Variants in GSE1 observed in about 807,000 individuals in gnomAD.
GSE1 encodes the protein genetic suppressor element 1.
Under a neutral mutation model 112.6 loss-of-function variants are expected in GSE1, and 32 were observed. The observed-to-expected ratio is 0.28, with a 90% CI of 0.21 to 0.38. GSE1 has a LOEUF of 0.38. GSE1 is among the 10% of genes least tolerant of loss of function. The pLI, the probability that GSE1 is intolerant of heterozygous loss-of-function variation, is 1.00. For missense variants in GSE1, 2,348 were observed against 1,699.2 expected (o/e 1.38, Z -6.71); for synonymous variants, 1,115 against 735.6 (o/e 1.52, Z -8.35).
At chr16:85,404,318 C>A (rs112441022) in intron 2 of GSE1, among the ~76,000 whole-genome samples, 14 of 32,828 alleles carry the variant, frequency 4.3e-4, no homozygotes, top group East Asian at 1.7e-3. Context: ...AATCCTCACT[C>A]TTACACTCAG....
chr16:85,312,158 G>A (rs1368484436), intron 1 of GSE1, among the ~76,000 whole-genome samples: 1 of 138,592 alleles, frequency 7.2e-6, no homozygotes, highest in Non-Finnish European at 1.5e-5. Flanking sequence ...CGTGTGCCCA[G>A]CTCAGAGAAC....
intron 2 of GSE1, among the ~76,000 whole-genome samples, chr16:85,647,016 T>G (rs1046924317): frequency 2.0e-5 from 3 of 152,090 alleles, no homozygotes; most frequent in Admixed American, 6.5e-5. Flanking sequence ...CCTTCTGACC[T>G]GGGCGGGAGG....
chr16:85,657,959 C>T (rs1257405722), intron 8 of GSE1, among the ~76,000 whole-genome samples: 2 of 152,244 alleles, frequency 1.3e-5, no homozygotes, highest in African/African-American at 2.4e-5. Context: ...CTGTTCTCTC[C>T]ATCTTCCTCT....
intron 2 of GSE1, among the ~76,000 whole-genome samples, chr16:85,432,508 G>C (rs8052794): frequency 0.66 from 100,182 of 152,182 alleles, 33,932 homozygotes; most frequent in Non-Finnish European, 0.75. Flanking sequence ...CAACTGCACA[G>C]GGTTCTTTCC....
At chr16:85,248,038 G>T (rs535400172) in intron 1 of GSE1, among the ~76,000 whole-genome samples, 31 of 152,348 alleles carry the variant, frequency 2.0e-4, no homozygotes, top group Non-Finnish European at 3.5e-4. Flanking sequence ...CTTACTTAAG[G>T]CCTGCCTGGT....
chr16:85,619,466 C>T (rs796842781), intron 1 of GSE1, among the ~76,000 whole-genome samples: 12 of 152,312 alleles, frequency 7.9e-5, no homozygotes, highest in African/African-American at 2.6e-4. Flanking sequence ...CTAGGCTAAC[C>T]CTGAGTCTTA....
upstream of GSE1, chr16:85,555,413 G>C (rs935180586): frequency 5.1e-6 from 5 of 982,848 alleles, no homozygotes; most frequent in African/African-American, 1.8e-5. Flanking sequence ...AGGGGTGTTG[G>C]TGGCGAGAGG....
rs867908384 is a variant in GSE1 at position 85,246,507 on chromosome 16, C to G, written c.2283+74700C>G. On this transcript the variant is annotated intron_variant, in intron 1 of 2. Transcript: ENST00000637419. ...CACACACACACTCTACACACCCCCC[C>G]CCCCCCGACGCTGTCTGCAGGAGAT... Among the ~76,000 whole-genome samples, 7 of 97,096 alleles carry G rather than the reference C, an allele frequency of 7.2e-5. 1 individual carries two copies. The highest frequency in any genetic ancestry group is 1.1e-4 in the Non-Finnish European group (4 of 37,760). 63.7% of individuals were successfully genotyped at this position (97,096 alleles called of 152,430 possible).
chr16:85,617,470 G>T (rs760713680), intron 1 of GSE1, among the ~76,000 whole-genome samples: 1 of 152,102 alleles, frequency 6.6e-6, no homozygotes, highest in Non-Finnish European at 1.5e-5. Context: ...CAGCTCGGGG[G>T]TCTCTCCTGG....
chr16:85,246,183 C>G (rs1340502915), intron 1 of GSE1, among the ~76,000 whole-genome samples: 2 of 145,286 alleles, frequency 1.4e-5, no homozygotes, highest in Non-Finnish European at 3.0e-5. Context: ...TGCAGGATGC[C>G]CCAGCTTCAG....
At chr16:85,466,015 C>A (rs2050111333) in intron 2 of GSE1, among the ~76,000 whole-genome samples, 1 of 152,236 alleles carries the variant, frequency 6.6e-6, no homozygotes, top group South Asian at 2.1e-4. Context: ...TGGATGAGCT[C>A]ATTGGCAGCG....
intron 1 of GSE1, among the ~76,000 whole-genome samples, chr16:85,574,723 G>A (rs184457710): frequency 6.6e-6 from 1 of 152,346 alleles, no homozygotes; most frequent in African/African-American, 2.4e-5. Context: ...ACTGTGTCCT[G>A]TCCGCTGGTG....
At chr16:85,256,639 C>T (rs1907113005) in intron 1 of GSE1, among the ~76,000 whole-genome samples, 1 of 152,268 alleles carries the variant, frequency 6.6e-6, no homozygotes, top group Admixed American at 6.5e-5. Flanking sequence ...CCAGCTCCTC[C>T]CCATCCCTGC....
intron 2 of GSE1, among the ~76,000 whole-genome samples, chr16:85,522,487 G>A (rs149038392): frequency 1.4e-5 from 2 of 145,690 alleles, no homozygotes; most frequent in Admixed American, 1.4e-4. Flanking sequence ...ACTCACCCCC[G>A]CGTTTCTCGT....
At chr16:85,403,336 T>G (rs1045663687) in intron 2 of GSE1, among the ~76,000 whole-genome samples, 7 of 152,074 alleles carry the variant, frequency 4.6e-5, no homozygotes, top group African/African-American at 1.7e-4. Flanking sequence ...AGCCCACACT[T>G]AAAGGGCGGG....
At chr16:85,579,566 G>A (rs1419279627) in intron 1 of GSE1, among the ~76,000 whole-genome samples, 1 of 152,172 alleles carries the variant, frequency 6.6e-6, no homozygotes, top group Admixed American at 6.5e-5. Flanking sequence ...GGAGATCCAG[G>A]GCCAGCAGGG....
intron 1 of GSE1, among the ~76,000 whole-genome samples, chr16:85,338,835 A>G (rs2046560695): frequency 6.6e-6 from 1 of 152,188 alleles, no homozygotes; most frequent in Non-Finnish European, 1.5e-5. Context: ...TGCGTGAAGC[A>G]GGGCAAGCTG....
intron 2 of GSE1, among the ~76,000 whole-genome samples, chr16:85,485,491 G>A (rs756520841): frequency 6.6e-6 from 1 of 152,260 alleles, no homozygotes; most frequent in South Asian, 2.1e-4. Flanking sequence ...CCCTGCTCAG[G>A]CTCTGCCTGT....
At chr16:85,335,846 C>CT (rs1567696282) in intron 1 of GSE1, among the ~76,000 whole-genome samples, 1 of 89,416 alleles carries the variant, frequency 1.1e-5, no homozygotes, top group East Asian at 3.4e-4. Context: ...GGGAGCAGGG[C>CT]GGGACACCCT....
Sources: gnomAD v4.1 joint callset for allele counts (sites outside exome capture counted in the v4.1 genomes callset) on GRCh38, gnomAD v4.1.1 for gene constraint, MANE v1.5 for transcripts, NCBI Gene and HGNC (gene_info 2026-07-23, HGNC 2026-07-21) for gene names.